The following HS6ST3 variants were observed in gnomAD, a reference collection of about 807,000 sequenced individuals.
The protein encoded by HS6ST3 is heparan-sulfate 6-O-sulfotransferase 3.
Under a neutral mutation model 36.7 loss-of-function variants are expected in HS6ST3, and 12 were observed. That is an observed-to-expected ratio of 0.33 (90% confidence interval 0.21 to 0.53). The LOEUF (loss-of-function observed/expected upper bound fraction) is 0.53. Among genes scored for constraint, HS6ST3 ranks in the 20% least tolerant of loss-of-function variants. The pLI is 0.95. For missense variants in HS6ST3, 584 were observed against 640.9 expected, an observed-to-expected ratio of 0.91 and a Z score of 0.96; for synonymous variants, 240 against 257.5, an observed-to-expected ratio of 0.93 and a Z score of 0.65.
chr13:96,317,169 A>C (rs530024808), intron 1 of HS6ST3, among the ~76,000 whole-genome samples: 4 of 151,030 alleles, frequency 2.6e-5, no homozygotes, highest in Non-Finnish European at 4.4e-5. Context: ...GTTTATGTCC[A>C]TGTGTATTCA....
intron 1 of HS6ST3, among the ~76,000 whole-genome samples, chr13:96,436,079 G>T (rs2055640266): frequency 6.6e-6 from 1 of 152,060 alleles, no homozygotes. Context: ...CTCTTTTTCT[G>T]CAAGGAATTG....
chr13:96,639,940 A>G (rs1368445562), intron 1 of HS6ST3, among the ~76,000 whole-genome samples: 1 of 151,996 alleles, frequency 6.6e-6, no homozygotes, highest in Non-Finnish European at 1.5e-5. Flanking sequence ...TAAATGTACC[A>G]CATTGGCTTT....
chr13:96,624,151 A>T (rs2056504311), intron 1 of HS6ST3, among the ~76,000 whole-genome samples: 1 of 152,164 alleles, frequency 6.6e-6, no homozygotes, highest in Non-Finnish European at 1.5e-5. Flanking sequence ...ATATACATGT[A>T]CAGGTGTGTG....
intron 1 of HS6ST3, among the ~76,000 whole-genome samples, chr13:96,462,962 A>T (rs563407914): frequency 6.6e-6 from 1 of 152,328 alleles, no homozygotes. Context: ...AGTACTAGGG[A>T]ACAATTATAG....
intron 1 of HS6ST3, among the ~76,000 whole-genome samples, chr13:96,250,362 G>A (rs1424631821): frequency 6.6e-6 from 1 of 152,184 alleles, no homozygotes; most frequent in Admixed American, 6.6e-5. Flanking sequence ...GGTCTTTGTA[G>A]ATGTGTAAGT....
At chr13:96,663,000 G>A (rs1319257260) in intron 1 of HS6ST3, among the ~76,000 whole-genome samples, 1 of 152,150 alleles carries the variant, frequency 6.6e-6, no homozygotes, top group Non-Finnish European at 1.5e-5. Flanking sequence ...GCTGGTCTGT[G>A]GGATGCCTGC....
rs2055922089 is a variant in HS6ST3 at position 96,487,646 on chromosome 13, A to G, written c.708-344844A>G. ...TATTATACATACAAGGACAAAGGCC[A>G]TGTTTGGTATCCATATGCCATGTCT... On this transcript the variant is annotated intron_variant, in intron 1 of 1. Transcript: ENST00000376705. 2.0e-5 allele frequency among the ~76,000 whole-genome samples: 3 copies of G among 152,132 alleles called. No individual in the cohort carries two copies. The South Asian group carries it at 6.2e-4, about 31-fold the overall frequency.
At chr13:96,655,943 A>C (rs2056623160) in intron 1 of HS6ST3, among the ~76,000 whole-genome samples, 1 of 152,142 alleles carries the variant, frequency 6.6e-6, no homozygotes, top group Non-Finnish European at 1.5e-5. Flanking sequence ...ATAGTAAAAT[A>C]TGTCACTCAT....
At chr13:96,782,805 C>CA (rs1358781854) in intron 1 of HS6ST3, among the ~76,000 whole-genome samples, 1 of 152,116 alleles carries the variant, frequency 6.6e-6, no homozygotes, top group Non-Finnish European at 1.5e-5. Flanking sequence ...GCTCATCTGA[C>CA]ATTCACTTAA....
chr13:96,643,808 T>C (rs956403884), intron 1 of HS6ST3, among the ~76,000 whole-genome samples: 5 of 151,942 alleles, frequency 3.3e-5, no homozygotes, highest in African/African-American at 1.2e-4. Flanking sequence ...GTGTTAATTA[T>C]GATTGTGGCC....
At chr13:96,176,344 G>T (rs1351757589) in intron 1 of HS6ST3, among the ~76,000 whole-genome samples, 1 of 152,124 alleles carries the variant, frequency 6.6e-6, no homozygotes, top group African/African-American at 2.4e-5. Flanking sequence ...AATATTTGAT[G>T]AGAGGAAGTT....
intron 1 of HS6ST3, among the ~76,000 whole-genome samples, chr13:96,681,545 G>A (rs2056718393): frequency 6.6e-6 from 1 of 152,034 alleles, no homozygotes; most frequent in African/African-American, 2.4e-5. Flanking sequence ...GGGCATGCAA[G>A]GTCCTTAATT....
At chr13:96,655,675 G>T (rs1015115740) in intron 1 of HS6ST3, among the ~76,000 whole-genome samples, 5 of 151,950 alleles carry the variant, frequency 3.3e-5, no homozygotes, top group South Asian at 2.1e-4. Flanking sequence ...GAGGAAAAAC[G>T]TACTGTGGAT....
intron 1 of HS6ST3, among the ~76,000 whole-genome samples, chr13:96,145,894 C>T (rs1388188852): frequency 6.6e-6 from 1 of 152,146 alleles, no homozygotes; most frequent in Non-Finnish European, 1.5e-5. Context: ...TCCCCAGCAC[C>T]ATTTATTAAA....
intron 1 of HS6ST3, among the ~76,000 whole-genome samples, chr13:96,656,049 C>T (rs1289780251): frequency 6.6e-6 from 1 of 152,072 alleles, no homozygotes; most frequent in Non-Finnish European, 1.5e-5. Flanking sequence ...TTGATATAAT[C>T]CCCTCAAGAG....
chr13:96,410,899 T>C (rs1156280294), intron 1 of HS6ST3, among the ~76,000 whole-genome samples: 1 of 152,172 alleles, frequency 6.6e-6, no homozygotes, highest in African/African-American at 2.4e-5. Flanking sequence ...AGTGATAAAA[T>C]AGAAATCTTT....
rs1168632319 is a variant in HS6ST3, at chr13:96,103,959, T to G, written c.707+12390T>G. 1.1e-3 allele frequency among the ~76,000 whole-genome samples: 166 copies of G among 149,680 alleles called. 2 individuals are homozygous for G. The highest frequency in any genetic ancestry group is 8.0e-3 in the South Asian group (38 of 4,722). On this transcript the variant is annotated intron_variant, in intron 1 of 1. Coordinates refer to ENST00000376705, the MANE Select transcript of HS6ST3 (RefSeq NM_153456.4). ...ATAGATCAAGGTTTGAGGTGTTTTT[T>G]TTTTTTTTTTTTTCCCATTGCTTTA...
rs181921589 is a variant in HS6ST3 at position 96,366,708 on chromosome 13, C to T, written c.707+275139C>T. 3.3e-3 allele frequency among the ~76,000 whole-genome samples: 506 copies of T among 152,098 alleles called. 2 individuals are homozygous for T. Among genetic ancestry groups the T allele is most frequent in the African/African-American group, 0.011 (460 of 41,498 alleles). On this transcript the variant is annotated intron_variant, in intron 1 of 1. Coordinates refer to ENST00000376705, the MANE Select transcript of HS6ST3 (RefSeq NM_153456.4). ...CCAGATGATTCTGGTGGGGGTAGCCCAAGAACCGTTGCTTAAAAAAAGAAA... is the reference window on the plus strand; with the variant it reads ...CCAGATGATTCTGGTGGGGGTAGCCTAAGAACCGTTGCTTAAAAAAAGAAA...
rs376123463 is a variant in HS6ST3 at position 96,771,909 on chromosome 13, G to A, written c.708-60581G>A. Among the ~76,000 whole-genome samples the A allele has an allele frequency of 1.1e-4, 17 of 152,310 alleles. 1 individual carries two copies. The highest frequency in any genetic ancestry group is 6.2e-4 in the South Asian group (3 of 4,826). On this transcript the variant is annotated intron_variant, in intron 1 of 1. Coordinates refer to ENST00000376705, the MANE Select transcript of HS6ST3 (RefSeq NM_153456.4). ...CCATTTCCTTAACAAGGATGAGCAG[G>A]GATGATGAAATACTATGAAATACAG...
Sources: allele counts gnomAD v4.1 joint callset (sites outside exome capture counted in the v4.1 genomes callset), GRCh38; gene constraint gnomAD v4.1.1; transcripts MANE v1.5; gene names NCBI Gene and HGNC (gene_info 2026-07-23, HGNC 2026-07-21).